The following PMPCB variants were observed in gnomAD, a reference collection of about 807,000 sequenced individuals.
PMPCB encodes peptidase, mitochondrial processing subunit beta.
In PMPCB, 46 loss-of-function variants were observed where a neutral mutation model predicts 61.5. The observed-to-expected ratio is 0.75, with a 90% CI of 0.59 to 0.96. The LOEUF is 0.96. Among genes scored for constraint, PMPCB ranks in the 40% least tolerant of loss-of-function variants. PMPCB has a pLI of 0.00. For synonymous variants in PMPCB, 191 were observed against 201.6 expected, an observed-to-expected ratio of 0.95 and a Z score of 0.44; for missense variants, 590 against 602.4, an observed-to-expected ratio of 0.98 and a Z score of 0.22.
rs1333635922 is a variant in PMPCB at position 103,313,847 on chromosome 7, T to G, written c.*1576T>G. 8 of 985,248 alleles carry G rather than the reference T, an allele frequency of 8.1e-6. No individual in the cohort carries two copies. The highest frequency in any genetic ancestry group is 8.4e-6 in the Non-Finnish European group (7 of 829,860). 61.0% of individuals were successfully genotyped at this position (985,248 alleles called of 1,614,324 possible). On this transcript the variant is annotated 3_prime_UTR_variant, in exon 13 of 13. Coordinates refer to ENST00000249269, the MANE Select transcript of PMPCB (RefSeq NM_004279.3). ...GTGTAGGTAAAAGTAGAATGTTAAGTGGTAGAAAGCTGATTTGGTTAAGTT... is the reference window on the plus strand; with the variant it reads ...GTGTAGGTAAAAGTAGAATGTTAAGGGGTAGAAAGCTGATTTGGTTAAGTT...
intron 6 of PMPCB, among the ~76,000 whole-genome samples, chr7:103,305,480 A>G (rs1018745430): frequency 3.9e-5 from 6 of 152,168 alleles, no homozygotes; most frequent in African/African-American, 7.2e-5. Flanking sequence ...GCTGGTTTCA[A>G]TCTCCTGAGC....
chr7:103,315,007 C>G (rs556206070), downstream of PMPCB, among the ~76,000 whole-genome samples: 127 of 152,192 alleles, frequency 8.3e-4, 1 homozygote, highest in Middle Eastern at 3.4e-3. Flanking sequence ...CACACGTGAT[C>G]AAGAGTTTCA....
At chr7:103,311,753 T>C (rs745914531) in intron 10 of PMPCB, 25 bp downstream of exon 10, 9 of 1,605,580 alleles carry the variant, frequency 5.6e-6, no homozygotes, top group Non-Finnish European at 7.7e-6. Flanking sequence ...ATAGGTTCTG[T>C]TTTCATATGG....
rs139322619 is a variant in PMPCB at position 103,324,228 on chromosome 7, A to AAT, written c.*1432-4701_*1432-4700dup. On this transcript the variant is annotated intron_variant and NMD_transcript_variant, in intron 12 of 12. Transcript: ENST00000444457. ...AAGTACTTTTAGTAGGAAGTAACTA[A>AAT]ATAAAAATGTACTTATTTTTATTCA... Among the ~76,000 whole-genome samples, 574 of 152,340 alleles carry AAT rather than the reference A, an allele frequency of 3.8e-3. 4 individuals carry two copies. Among genetic ancestry groups the AAT allele is most frequent in the African/African-American group, 0.014 (565 of 41,568 alleles).
In PMPCB at chr7:103,300,239, T is replaced by G. The variant is rs202160848; in HGVS notation, c.389T>G (p.Leu130Arg). 11 of 1,611,846 alleles carry G rather than the reference T, an allele frequency of 6.8e-6. No individual in the cohort carries two copies. The highest frequency in any genetic ancestry group is 9.3e-6 in the Non-Finnish European group (11 of 1,178,008). ...GAGATTGAAAATATGGGTGCTCATC[T>G]CAATGCCTATACCTCCAGAGAGCAG... ...ELEIENMGAH[L>R]NAYTSREQTV... The change falls in exon 4 of 13, where the codon CTC becomes CGC. Residue 130 changes from leucine (L) to arginine (R), a missense_variant. By Grantham distance (102) the Leu-to-Arg change is moderately radical. Coordinates refer to ENST00000249269, the MANE Select transcript of PMPCB (RefSeq NM_004279.3).
At chr7:103,303,216 C>T (rs1702194714) in intron 4 of PMPCB, among the ~76,000 whole-genome samples, 2 of 152,170 alleles carry the variant, frequency 1.3e-5, no homozygotes, top group Middle Eastern at 3.2e-3. Context: ...TCCCGAGCTC[C>T]ACCCATCCTC....
At chr7:103,317,976 C>T (rs564957264), downstream of PMPCB, among the ~76,000 whole-genome samples, 1 of 151,998 alleles carries the variant, frequency 6.6e-6, no homozygotes, top group East Asian at 1.9e-4. Context: ...AAATAAGATT[C>T]TTGTAACTAG....
At chr7:103,304,765 A>G (rs1464755717) in intron 6 of PMPCB, among the ~76,000 whole-genome samples, 1 of 152,174 alleles carries the variant, frequency 6.6e-6, no homozygotes. Context: ...GTTCAAGACC[A>G]GCCTGACTAA....
chr7:103,319,772 G>A (rs757968839), intron 12 of PMPCB: 5 of 1,614,036 alleles, frequency 3.1e-6, no homozygotes, highest in Admixed American at 1.7e-5. Context: ...AGTTCAAGCC[G>A]ATCACAAAGT....
the PMPCB span, chr7:103,345,064 C>T: frequency 3.5e-5 from 11 of 315,686 alleles, no homozygotes; most frequent in Admixed American, 4.9e-4. Flanking sequence ...GAGCGCTATA[C>T]TTTTAAGTAA....
At chr7:103,317,123 C>G (rs1379661558), downstream of PMPCB, 1 of 985,532 alleles carries the variant, frequency 1.0e-6, no homozygotes, top group Admixed American at 2.5e-5. Context: ...CATTCTCACT[C>G]TGACCCCATA....
At chr7:103,319,706 C>T in intron 12 of PMPCB, 1 of 1,613,920 alleles carries the variant, frequency 6.2e-7, no homozygotes, top group Non-Finnish European at 8.5e-7. Flanking sequence ...AGAAATGAAA[C>T]TTTATCCTAA....
At chr7:103,309,564 T>C (rs998119971) in intron 8 of PMPCB, among the ~76,000 whole-genome samples, 5 of 152,206 alleles carry the variant, frequency 3.3e-5, no homozygotes, top group Non-Finnish European at 7.3e-5. Context: ...CTAGAGATGA[T>C]TTAAAGTATA....
chr7:103,329,727 C>T (rs776187449), downstream of PMPCB, among the ~76,000 whole-genome samples: 3 of 152,058 alleles, frequency 2.0e-5, no homozygotes, highest in Non-Finnish European at 4.4e-5. Flanking sequence ...GTTACTTATT[C>T]TTGCCCTGGG....
chr7:103,310,023 T>C (rs1817692717), intron 8 of PMPCB, among the ~76,000 whole-genome samples: 1 of 152,258 alleles, frequency 6.6e-6, no homozygotes, highest in Non-Finnish European at 1.5e-5. Flanking sequence ...CCAAGAGTCC[T>C]AGAAATTGGG....
In PMPCB at chr7:103,303,879, A is replaced by T; in HGVS notation, c.495A>T (p.Thr165=). The change falls in exon 5 of 13, where the codon ACA becomes ACT. Residue 165 remains threonine (T), a synonymous_variant. Coordinates refer to ENST00000249269, the MANE Select transcript of PMPCB (RefSeq NM_004279.3). The part of the protein sequence containing the change: ...EILADIIQNS[T]LGEAEIERER... ...TTGCTGATATAATACAAAACAGCAC[A>T]TTGGGAGAAGCAGAGATTGAACGTG... The T allele has an allele frequency of 6.2e-7, 1 of 1,613,802 alleles. No homozygotes were observed. The highest frequency in any genetic ancestry group is 8.5e-7 in the Non-Finnish European group (1 of 1,179,756).
downstream of PMPCB, among the ~76,000 whole-genome samples, chr7:103,333,830 A>G (rs2116004919): frequency 6.6e-6 from 1 of 152,310 alleles, no homozygotes; most frequent in East Asian, 1.9e-4. Flanking sequence ...TGTTCTTTTA[A>G]AAATTGCTGA....
chr7:103,308,880 T>A, intron 7 of PMPCB, 72 bp from the exon 8 acceptor site: 1 of 1,285,250 alleles, frequency 7.8e-7, no homozygotes, highest in Non-Finnish European at 1.0e-6. Context: ...GACTGGTGAT[T>A]TTTTCCTTGT....
At position 103,313,912 on chromosome 7, in the gene PMPCB, T is replaced by G. The variant is rs972159933; in HGVS notation, c.*1641T>G. ...AATTTAGTTATTTCAGACTATGCAG[T>G]GACAACACAGACTAATACTACCAGT... On this transcript the variant is annotated 3_prime_UTR_variant, in exon 13 of 13. Transcript: ENST00000249269. 2 of 985,280 alleles carry G rather than the reference T, an allele frequency of 2.0e-6. No homozygotes were observed. The highest frequency in any genetic ancestry group is 6.2e-5 in the Admixed American group (1 of 16,248). 61.0% of individuals were successfully genotyped at this position (985,280 alleles called of 1,614,324 possible).
Sources: allele counts gnomAD v4.1 joint callset (sites outside exome capture counted in the v4.1 genomes callset), GRCh38; gene constraint gnomAD v4.1.1; transcripts MANE v1.5; gene names NCBI Gene and HGNC (gene_info 2026-07-23, HGNC 2026-07-21).